The following TTLL6 variants were observed in gnomAD, a reference collection of about 807,000 sequenced individuals.
TTLL6 encodes tubulin polyglutamylase TTLL6.
In TTLL6, 75 loss-of-function variants were observed where a neutral mutation model predicts 96.4. That is an observed-to-expected ratio of 0.78 (90% CI 0.65 to 0.94). The LOEUF is 0.94. Ranked by LOEUF, TTLL6 falls within the 40% of genes least tolerant of loss-of-function variation. The pLI is 0.00. For missense variants in TTLL6, 1,030 were observed against 1,093.0 expected, an observed-to-expected ratio of 0.94 and a Z score of 0.81; for synonymous variants, 411 against 419.4, an observed-to-expected ratio of 0.98 and a Z score of 0.24.
intron 13 of TTLL6, among the ~76,000 whole-genome samples, chr17:48,778,631 TA>T (rs542565908): frequency 0.3 from 41,948 of 137,742 alleles, 5,987 homozygotes; most frequent in Admixed American, 0.41. Context: ...CTCAGTCTCT[TA>T]AAAAAAAAAA....
chr17:48,810,365 T>C (rs961872599), intron 1 of TTLL6, among the ~76,000 whole-genome samples: 4 of 152,106 alleles, frequency 2.6e-5, no homozygotes, highest in Admixed American at 2.0e-4. Context: ...TGGCAAATGG[T>C]ACTTGCCATG....
At chr17:48,804,194 A>G in intron 2 of TTLL6, 1 of 574,780 alleles carries the variant, frequency 1.7e-6, no homozygotes, top group Non-Finnish European at 3.2e-6. Flanking sequence ...GCAGCTTCTC[A>G]CTAACATCAT....
In TTLL6 at chr17:48,801,377, A is replaced by G. The variant is rs1332377036; in HGVS notation, c.489T>C (p.Asn163=). The G allele has an allele frequency of 6.4e-7, 1 of 1,551,480 alleles. No homozygotes were observed. Among genetic ancestry groups the G allele is most frequent in the Non-Finnish European group, 8.7e-7 (1 of 1,146,976 alleles). Residue 163 remains asparagine, a synonymous_variant, in exon 5 of 16, where the codon AAT becomes AAC. Coordinates refer to ENST00000393382, the MANE Select transcript of TTLL6 (RefSeq NM_001130918.3). The part of the protein sequence containing the change: ...VMEMKSYQKI[N]HFPGMSEICR... The stretch of plus-strand genomic sequence containing the variant: ...AGATTTCACTCATCCCGGGGAAGTG[A>G]TTGATCTTCTGGAAGGGAAGCCGGA...
At chr17:48,801,199 G>C (rs1305111831) in intron 5 of TTLL6, 56 bp downstream of exon 5, 1 of 1,509,084 alleles carries the variant, frequency 6.6e-7, no homozygotes, top group African/African-American at 1.4e-5. Context: ...GGGGGCAAGA[G>C]GAAATGTAAA....
At chr17:48,812,064 A>ACCCCCCCCCCCCCCCCC (rs56757071) in intron 1 of TTLL6, 23 of 76,138 alleles carry the variant, frequency 3.0e-4, no homozygotes, top group Admixed American at 5.6e-4. Flanking sequence ...TGATGCTGGG[A>ACCCCCCCCCCCCCCCCC]CCCCCCCCCC....
Position 48,799,717 on chromosome 17 carries a change from T to C in TTLL6, c.655A>G (p.Thr219Ala). 2 of 1,551,776 alleles carry C rather than the reference T, an allele frequency of 1.3e-6. No individual in the cohort carries two copies. Among genetic ancestry groups the C allele is most frequent in the Non-Finnish European group, 1.7e-6 (2 of 1,147,010 alleles). Reference sequence around the variant, plus strand: ...CCCGAATCCGGCTTACAAATGTATGTCTTATTTTTTCTTGACCTGCTGTAG... The same window carrying C: ...CCCGAATCCGGCTTACAAATGTATGCCTTATTTTTTCTTGACCTGCTGTAG... Reference protein sequence around the residue: ...QTYSRSRKNKTYICKPDSGCQ... With the variant: ...QTYSRSRKNKAYICKPDSGCQ... The change falls in exon 6 of 16, where the codon ACA (threonine) becomes GCA (alanine). Residue 219 changes from threonine to alanine, a missense_variant. By Grantham distance (58) the Thr-to-Ala change is moderately conservative (BLOSUM62 0). Coordinates refer to ENST00000393382, the MANE Select transcript of TTLL6 (RefSeq NM_001130918.3).
chr17:48,787,436 G>A (rs558547845), intron 11 of TTLL6, among the ~76,000 whole-genome samples: 5 of 152,232 alleles, frequency 3.3e-5, no homozygotes, highest in Admixed American at 1.3e-4. Context: ...TGACACCCAC[G>A]CTGGAGTGCA....
At chr17:48,788,167 T>G (rs189163598) in intron 10 of TTLL6, among the ~76,000 whole-genome samples, 168 bp from the exon 11 acceptor site, 10 of 152,316 alleles carry the variant, frequency 6.6e-5, no homozygotes, top group African/African-American at 2.2e-4. Context: ...GAAAGGAGAT[T>G]CTAGCCCTCC....
chr17:48,786,831 CTT>C (rs11446945), intron 11 of TTLL6, among the ~76,000 whole-genome samples: 9 of 122,480 alleles, frequency 7.3e-5, no homozygotes, highest in African/African-American at 1.8e-4. Flanking sequence ...CTTCTGTCAT[CTT>C]TTTTTTTTTT....
At chr17:48,806,109 CAA>C (rs11334275) in intron 1 of TTLL6, 41,236 of 140,638 alleles carry the variant, frequency 0.29, 5,968 homozygotes, top group Admixed American at 0.42. Flanking sequence ...AACTCCATCT[CAA>C]AAAAAAAAAA....
At chr17:48,781,839 T>C (rs571923757) in intron 13 of TTLL6, among the ~76,000 whole-genome samples, 3 of 152,238 alleles carry the variant, frequency 2.0e-5, no homozygotes, top group South Asian at 4.2e-4. Context: ...AGTACCCTTA[T>C]AAAAGAAGCT....
intron 10 of TTLL6, among the ~76,000 whole-genome samples, chr17:48,789,432 G>A (rs762644340): frequency 7.2e-5 from 11 of 152,070 alleles, no homozygotes; most frequent in African/African-American, 9.7e-5. Flanking sequence ...CATTTCATTC[G>A]CCCAACAACC....
chr17:48,779,442 T>C (rs746226199), intron 13 of TTLL6, among the ~76,000 whole-genome samples: 29 of 150,660 alleles, frequency 1.9e-4, no homozygotes, highest in Admixed American at 3.3e-4. Context: ...CTCTCATAAA[T>C]TGCTGCTTAA....
chr17:48,787,826 C>A lies in TTLL6; in HGVS notation c.1574G>T (p.Arg525Leu), dbSNP rs139949113. The change falls in exon 11 of 16, where the codon CGG (arginine) becomes CTG (leucine). Residue 525 changes from arginine (R) to leucine (L), a missense_variant. Arg to Leu is a moderately radical substitution (Grantham distance 102). Transcript: ENST00000393382. ...GTCTTCCTACCGGGCATACTCCTCC[C>A]GAGCCCTGGAAGCAACAGTATTCTG... is the stretch of plus-strand genomic sequence containing the variant. ...LFQNTVASRA[R>L]EEYARQLIQE... The A allele has an allele frequency of 6.2e-7, 1 of 1,614,000 alleles. No homozygotes were observed. Among genetic ancestry groups the A allele is most frequent in the Middle Eastern group, 1.6e-4 (1 of 6,062 alleles).
At chr17:48,763,268 C>G (rs964179431) in intron 15 of TTLL6, among the ~76,000 whole-genome samples, 1 of 152,162 alleles carries the variant, frequency 6.6e-6, no homozygotes, top group African/African-American at 2.4e-5. Context: ...CCTCTCTCAG[C>G]CTTGGTTTCC....
rs1376800744 is a variant in TTLL6, at chr17:48,769,731, ACAGGTTATTCATCCC to A, written c.2392_2406del (p.Gly798_Leu802del). The A allele has an allele frequency of 1.2e-6, 2 of 1,613,396 alleles. No individual in the cohort carries two copies. Among genetic ancestry groups the A allele is most frequent in the African/African-American group, 2.7e-5 (2 of 74,910 alleles). ...CCCTGTACACACTGGCACTCACGTGACAGGTTATTCATCCCCAGCTTGGGGTTGTAGTGAGCTGGG... is the reference window on the plus strand; with the variant it reads ...CCCTGTACACACTGGCACTCACGTGACAGCTTGGGGTTGTAGTGAGCTGGG... On this transcript the variant is annotated inframe_deletion, in exon 14 of 16. Transcript: ENST00000393382.
intron 1 of TTLL6, among the ~76,000 whole-genome samples, chr17:48,809,165 G>A (rs992013421): frequency 1.3e-5 from 2 of 152,182 alleles, no homozygotes; most frequent in Admixed American, 1.3e-4. Context: ...TCTGAAGAGG[G>A]CTGCCACTTA....
Position 48,785,051 on chromosome 17 carries a change from G to A in TTLL6, c.1912C>T (p.Pro638Ser), listed in dbSNP as rs1314301002. The A allele has an allele frequency of 1.2e-6, 2 of 1,613,994 alleles. No homozygotes were observed. Among genetic ancestry groups the A allele is most frequent in the South Asian group, 1.1e-5 (1 of 91,078 alleles). The change falls in exon 13 of 16, where the codon CCC (proline) becomes TCC (serine). Residue 638 changes from proline to serine, a missense_variant. Physicochemically the swap from Pro to Ser is moderately conservative, Grantham distance 74. Transcript: ENST00000393382. ...SVFPKLTSAK[P>S]FSSLPDLRNI... ...CTCAGATCGGGTAGAGAACTGAAGG[G>A]CTTCGCAGACGTCAGCTTGGGGAAA... is the stretch of plus-strand genomic sequence containing the variant.
chr17:48,774,399 G>A (rs2038830363), intron 13 of TTLL6, among the ~76,000 whole-genome samples: 1 of 151,708 alleles, frequency 6.6e-6, no homozygotes, highest in Admixed American at 6.6e-5. Flanking sequence ...CCTGAAATCA[G>A]GCAATCCGCC....
Sources: allele counts gnomAD v4.1 joint callset (sites outside exome capture counted in the v4.1 genomes callset), GRCh38; gene constraint gnomAD v4.1.1; transcripts MANE v1.5; gene names NCBI Gene and HGNC (gene_info 2026-07-23, HGNC 2026-07-21).